The following MEFV variants were observed in gnomAD, a reference collection of about 807,000 sequenced individuals.
MEFV encodes the protein MEFV innate immunity regulator, pyrin, also known as pyrin.
A neutral mutation model predicts 62.5 loss-of-function variants in MEFV; 60 were observed. The observed-to-expected ratio is 0.96, with a 90% CI of 0.78 to 1.19. The LOEUF (loss-of-function observed/expected upper bound fraction) is 1.19, where lower values mean the gene tolerates loss of function less well. MEFV is among the 50% of genes most tolerant of loss of function. The pLI, the probability that MEFV is intolerant of heterozygous loss-of-function variation, is 0.00. For missense variants in MEFV, 1,169 were observed against 1,004.5 expected (o/e 1.16, Z -2.21); for synonymous variants, 500 against 415.2 (o/e 1.20, Z -2.48).
intron 2 of MEFV, among the ~76,000 whole-genome samples, chr16:3,250,716 C>T (rs1054248902): frequency 9.9e-5 from 15 of 151,176 alleles, no homozygotes; most frequent in South Asian, 4.2e-4. Context: ...AGACATGCCA[C>T]GAGATACAAG....
chr16:3,251,660 C>T (rs571544871), intron 2 of MEFV, among the ~76,000 whole-genome samples: 1 of 152,286 alleles, frequency 6.6e-6, no homozygotes, highest in East Asian at 1.9e-4. Flanking sequence ...GAGAGAAAGG[C>T]AAATGGTAGA....
rs104895187 is a variant in MEFV at position 3,254,235 on chromosome 16, C to G, written c.833G>C (p.Arg278Pro). The G allele has an allele frequency of 6.2e-7, 1 of 1,614,258 alleles. No individual in the cohort carries two copies. Among genetic ancestry groups the G allele is most frequent in the Non-Finnish European group, 8.5e-7 (1 of 1,180,046 alleles). The change falls in exon 2 of 10, where the codon CGG (arginine) becomes CCG (proline). Residue 278 changes from arginine to proline, a missense_variant. Arg to Pro is a moderately radical substitution (Grantham distance 103). Transcript: ENST00000219596. ...CCCTCCATCCGGAGTGGGCCTTGCC[C>G]GGGGTTCTGTTGCCGAGTCCAGATT... is the stretch of plus-strand genomic sequence containing the variant. ...AANLDSATEPRARPTPDGGAS... is the reference protein window; with the variant it reads ...AANLDSATEPPARPTPDGGAS...
chr16:3,249,863 G>T, intron 2 of MEFV, 83 bp from the exon 3 acceptor site: 1 of 1,124,512 alleles, frequency 8.9e-7, no homozygotes, highest in Non-Finnish European at 1.3e-6. Flanking sequence ...AGCGGACACA[G>T]CCCTTGCCTG....
rs767424855 is a variant in MEFV, at chr16:3,244,301, A to G, written c.1727-15T>C. On this transcript the variant is annotated splice_polypyrimidine_tract_variant and intron_variant, in intron 7 of 9. Transcript: ENST00000219596. ...ACGCAGGGTTTCTAAAATGTGGGAA[A>G]GGGAGCAGAGAGAAGCTGGAGTTAG... 8.7e-6 allele frequency: 14 copies of G among 1,614,058 alleles called. No individual in the cohort carries two copies. Among genetic ancestry groups the G allele is most frequent in the Non-Finnish European group, 1.2e-5 (14 of 1,180,016 alleles).
At chr16:3,253,881 G>A (rs1833324132) in intron 2 of MEFV, among the ~76,000 whole-genome samples, 2 of 152,112 alleles carry the variant, frequency 1.3e-5, no homozygotes, top group South Asian at 2.1e-4. Flanking sequence ...GAACTCCTGG[G>A]GTCAAGAGAT....
At chr16:3,245,644 G>A (rs528360702) in intron 6 of MEFV, among the ~76,000 whole-genome samples, 2 of 151,512 alleles carry the variant, frequency 1.3e-5, no homozygotes, top group South Asian at 2.1e-4. Flanking sequence ...CAAAAAAAAA[G>A]AGAGAGAGAG....
intron 6 of MEFV, 50 bp from the exon 7 acceptor site, chr16:3,244,638 C>T: frequency 1.4e-6 from 2 of 1,390,758 alleles, no homozygotes; most frequent in Non-Finnish European, 2.0e-6. Flanking sequence ...AGGGGGTGGC[C>T]CAAGTACCCG....
intron 5 of MEFV, 99 bp from the exon 6 acceptor site, chr16:3,246,646 C>T: frequency 1.5e-6 from 2 of 1,309,630 alleles, no homozygotes; most frequent in Non-Finnish European, 2.2e-6. Context: ...TAGCTCCCCG[C>T]TGCACTTACC....
rs1319565466 is a variant in MEFV, at chr16:3,242,450, A to C, written c.*691T>G. The C allele has an allele frequency of 3.2e-5, 5 of 156,674 alleles. No individual in the cohort carries two copies. The highest frequency in any genetic ancestry group is 1.2e-4 in the African/African-American group (5 of 41,240). 9.7% of individuals were successfully genotyped at this position (156,674 alleles called of 1,614,324 possible). ...TTTGGGAGGCTGAGGCGGGTGGATC[A>C]CCTGAGGTCAGGAGTTCGAGACCAG... is the stretch of plus-strand genomic sequence containing the variant. On this transcript the variant is annotated 3_prime_UTR_variant, in exon 10 of 10. Transcript: ENST00000219596.
rs1250605202 is a variant in MEFV, at chr16:3,251,267, T to G, written c.911-1487A>C. Among the ~76,000 whole-genome samples the G allele has an allele frequency of 2.0e-5, 3 of 152,110 alleles. No homozygotes were observed. The East Asian group carries it at 5.8e-4, about 29-fold the overall frequency. On this transcript the variant is annotated intron_variant, in intron 2 of 9. Transcript: ENST00000219596. ...TTTCTCAGCCTCCTTTGCAGTTAGGTGTGGCTATTTGACAATAATATGACC... is the reference window on the plus strand; with the variant it reads ...TTTCTCAGCCTCCTTTGCAGTTAGGGGTGGCTATTTGACAATAATATGACC...
At position 3,244,451 on chromosome 16, in the gene MEFV, A is replaced by G. The variant is rs185188935; in HGVS notation, c.1726+22T>C. On this transcript the variant is annotated intron_variant, in intron 7 of 9. Coordinates refer to ENST00000219596, the MANE Select transcript of MEFV (RefSeq NM_000243.3). ...GGGAGGAAGTGAGCATGCACCTCCA[A>G]TCTTCTCCCAAGCCCATCTACCTGA... 12 of 1,606,190 alleles carry G rather than the reference A, an allele frequency of 7.5e-6. No individual in the cohort carries two copies. The East Asian group carries it at 2.2e-4, about 30-fold the overall frequency.
rs1958981068 is a variant in MEFV, at chr16:3,248,650, C to T, written c.1356+259G>A. ...AATCCCATCTTTCTGCAGTAGTCAC[C>T]GGCATAGGTTGCTCTCTACCATCTT... On this transcript the variant is annotated intron_variant, in intron 4 of 9. Transcript: ENST00000219596. 52 of 1,073,442 alleles carry T rather than the reference C, an allele frequency of 4.8e-5. No individual in the cohort carries two copies. The South Asian group carries it at 7.4e-4, about 15-fold the overall frequency. The allele number at this position is 1,073,442 out of a possible 1,614,324, so 66.5% of individuals were successfully genotyped here. A position where few individuals can be genotyped will look rare whatever the true frequency, so the allele number is the denominator to read the frequency against.
rs764274816 is a variant in MEFV at position 3,249,520 on chromosome 16, C to A, written c.1171G>T (p.Asp391Tyr). ...QVQLLFCEDH[D>Y]EPICLICSLS... The stretch of plus-strand genomic sequence containing the variant: ...CTGCAGATGAGGCAGATGGGCTCAT[C>A]GTGATCCTCACAGAAGAGCAGCTGG... Residue 391 changes from aspartate (D) to tyrosine (Y), a missense_variant, in exon 3 of 10, where the codon GAT becomes TAT. Coordinates refer to ENST00000219596, the MANE Select transcript of MEFV (RefSeq NM_000243.3). The A allele has an allele frequency of 6.2e-7, 1 of 1,614,196 alleles. No homozygotes were observed. Among genetic ancestry groups the A allele is most frequent in the African/African-American group, 1.3e-5 (1 of 75,062 alleles).
Position 3,254,596 on chromosome 16 carries a change from G to T in MEFV, c.472C>A (p.Leu158Met). ...GAGGCCTTCTCTCTGCGTTTGCTCAGGGGCTTCCTCGACAGCCCCCTCCCG... is the reference window on the plus strand; with the variant it reads ...GAGGCCTTCTCTCTGCGTTTGCTCATGGGCTTCCTCGACAGCCCCCTCCCG... The part of the protein sequence containing the change: ...EAGRGLSRKP[L>M]SKRREKASEG... Residue 158 changes from leucine (L) to methionine (M), a missense_variant, in exon 2 of 10, where the codon CTG (leucine) becomes ATG (methionine). Physicochemically the swap from Leu to Met is conservative, Grantham distance 15. Coordinates refer to ENST00000219596, the MANE Select transcript of MEFV (RefSeq NM_000243.3). The T allele has an allele frequency of 6.3e-7, 1 of 1,596,960 alleles. No individual in the cohort carries two copies. The highest frequency in any genetic ancestry group is 8.5e-7 in the Non-Finnish European group (1 of 1,174,574).
intron 6 of MEFV, among the ~76,000 whole-genome samples, chr16:3,245,350 A>G (rs1958925454): frequency 6.6e-6 from 1 of 151,908 alleles, no homozygotes; most frequent in Non-Finnish European, 1.5e-5. Flanking sequence ...GGAAGGAAGG[A>G]AAGAGAAATG....
At chr16:3,251,679 C>G (rs1959035637) in intron 2 of MEFV, among the ~76,000 whole-genome samples, 2 of 152,110 alleles carry the variant, frequency 1.3e-5, no homozygotes, top group South Asian at 4.1e-4. Context: ...GAATCTCAAC[C>G]CCATGATGAT....
rs104895099 is a variant in MEFV at position 3,247,085 on chromosome 16, G to A, written c.1518C>T (p.Ile506=). ...KAYDTRVSQD[I]ALLDALIGEL... ...CCCCAATCAGCGCATCGAGCAGGGC[G>A]ATGTCCTGGGATACGCGGGTGTCAT... Residue 506 remains isoleucine, a synonymous_variant, in exon 5 of 10, where the codon ATC becomes ATT. Transcript: ENST00000219596. The A allele has an allele frequency of 1.4e-4, 219 of 1,614,178 alleles. No homozygotes were observed. In the Middle Eastern group the frequency reaches 4.0e-3, roughly 29 times the overall value.
intron 6 of MEFV, among the ~76,000 whole-genome samples, chr16:3,245,492 G>A (rs1179363168): frequency 6.6e-6 from 1 of 152,006 alleles, no homozygotes; most frequent in Non-Finnish European, 1.5e-5. Context: ...AAATTAGCTG[G>A]GCATGGTGGC....
chr16:3,255,884 T>C (rs998534350), intron 1 of MEFV, among the ~76,000 whole-genome samples: 16 of 151,958 alleles, frequency 1.1e-4, no homozygotes, highest in African/African-American at 3.9e-4. Flanking sequence ...GGAGGATCAC[T>C]TGAGGTCAGG....
Sources: allele counts gnomAD v4.1 joint callset (sites outside exome capture counted in the v4.1 genomes callset), GRCh38; gene constraint gnomAD v4.1.1; transcripts MANE v1.5; gene names NCBI Gene and HGNC (gene_info 2026-07-23, HGNC 2026-07-21).